ADCY8: variants seen among roughly 807,000 people sequenced by gnomAD.
ADCY8 encodes adenylate cyclase type 8.
Under a neutral mutation model 119.7 loss-of-function variants are expected in ADCY8, and 51 were observed. The ratio of observed to expected loss-of-function variants is 0.43; its 90% CI spans 0.34 to 0.54. The LOEUF is 0.54. ADCY8 is among the 20% of genes least tolerant of loss of function. The pLI is 0.03. For synonymous variants in ADCY8, 665 were observed against 651.0 expected (o/e 1.02, Z -0.33); for missense variants, 1,383 against 1,598.8 (o/e 0.87, Z 2.30).
At chr8:130,832,149 C>T (rs1247937273) in intron 12 of ADCY8, among the ~76,000 whole-genome samples, 1 of 152,132 alleles carries the variant, frequency 6.6e-6, no homozygotes, top group Non-Finnish European at 1.5e-5. Flanking sequence ...TATAGTGCTT[C>T]CCTACAAGAA....
intron 14 of ADCY8, among the ~76,000 whole-genome samples, chr8:130,804,928 G>T (rs996124370): frequency 6.6e-6 from 1 of 152,070 alleles, no homozygotes; most frequent in African/African-American, 2.4e-5. Flanking sequence ...TGTATTTTTA[G>T]TAGAGATGGG....
rs1286537176 is a variant in ADCY8, at chr8:130,826,506, A to T, written c.2676-5086T>A. 4.6e-5 allele frequency among the ~76,000 whole-genome samples: 7 copies of T among 152,280 alleles called. No homozygotes were observed. In the South Asian group the frequency reaches 1.5e-3, roughly 32 times the overall value. On this transcript the variant is annotated intron_variant, in intron 12 of 17. Transcript: ENST00000286355. Reference sequence around the variant, plus strand: ...TAATTCCCTCCAAATGCTTTTAGATAAGTGTTTTTCCTAGATACTATCTAT... The same window carrying T: ...TAATTCCCTCCAAATGCTTTTAGATTAGTGTTTTTCCTAGATACTATCTAT...
At chr8:130,900,477 C>A (rs905431538) in intron 7 of ADCY8, among the ~76,000 whole-genome samples, 1 of 152,182 alleles carries the variant, frequency 6.6e-6, no homozygotes, top group African/African-American at 2.4e-5. Context: ...TACCATCTCA[C>A]CAGATCTGCC....
chr8:131,036,095 T>C (rs1272168284), intron 1 of ADCY8, among the ~76,000 whole-genome samples: 2 of 152,186 alleles, frequency 1.3e-5, no homozygotes, highest in African/African-American at 4.8e-5. Flanking sequence ...TTCTGAAGAA[T>C]AATTGGCATC....
At chr8:130,871,419 A>G (rs143019110) in intron 8 of ADCY8, among the ~76,000 whole-genome samples, 1 of 152,182 alleles carries the variant, frequency 6.6e-6, no homozygotes, top group Non-Finnish European at 1.5e-5. Context: ...TAAGCTTTCT[A>G]TGTCTCAGTT....
intron 2 of ADCY8, among the ~76,000 whole-genome samples, chr8:130,980,176 TTC>T (rs1479311297): frequency 1.3e-5 from 2 of 152,322 alleles, no homozygotes; most frequent in East Asian, 3.9e-4. Context: ...GCCTCTGGGA[TTC>T]TCTGTGTTCT....
At chr8:130,936,852 C>T (rs1486944136) in intron 5 of ADCY8, among the ~76,000 whole-genome samples, 2 of 152,238 alleles carry the variant, frequency 1.3e-5, no homozygotes, top group East Asian at 1.9e-4. Context: ...GTAATACAAA[C>T]TTGTAGCACA....
intron 5 of ADCY8, among the ~76,000 whole-genome samples, chr8:130,929,450 T>G (rs1462233084): frequency 6.6e-6 from 1 of 152,202 alleles, no homozygotes; most frequent in Non-Finnish European, 1.5e-5. Context: ...TTTGTGAAGT[T>G]CCTCCTGTTA....
rs549091562 is a variant in ADCY8 at position 131,026,042 on chromosome 8, G to A, written c.960+13332C>T. Among the ~76,000 whole-genome samples, 84 of 152,254 alleles carry A rather than the reference G, an allele frequency of 5.5e-4. 1 individual carries two copies. The South Asian group carries it at 0.015, about 28-fold the overall frequency. ...ACACTGTGGTACTCCATAAATATTC[G>A]CCATATGAGGCTAAATGAAAGCATG... On this transcript the variant is annotated intron_variant, in intron 1 of 17. Coordinates refer to ENST00000286355, the MANE Select transcript of ADCY8 (RefSeq NM_001115.3).
At chr8:131,019,021 C>A (rs1190256321) in intron 1 of ADCY8, among the ~76,000 whole-genome samples, 1 of 152,140 alleles carries the variant, frequency 6.6e-6, no homozygotes, top group Non-Finnish European at 1.5e-5. Context: ...ATGACACTTT[C>A]ATTTTAGCTC....
At chr8:131,020,902 C>G in intron 1 of ADCY8, among the ~76,000 whole-genome samples, 1 of 152,110 alleles carries the variant, frequency 6.6e-6, no homozygotes, top group East Asian at 1.9e-4. Flanking sequence ...TTATTATGTG[C>G]TATAAATTAT....
chr8:131,012,670 T>A (rs1823347127), intron 1 of ADCY8, among the ~76,000 whole-genome samples: 1 of 152,196 alleles, frequency 6.6e-6, no homozygotes, highest in South Asian at 2.1e-4. Flanking sequence ...AAAGAGGGTC[T>A]TCTCATCCAA....
At chr8:131,033,360 AT>A (rs991811883) in intron 1 of ADCY8, among the ~76,000 whole-genome samples, 3 of 152,140 alleles carry the variant, frequency 2.0e-5, no homozygotes, top group Admixed American at 6.6e-5. Flanking sequence ...AAAATATTTC[AT>A]TTTTTTGCTT....
chr8:130,909,791 A>C lies in ADCY8; in HGVS notation c.1557T>G (p.Val519=). ...GIHSGSVLCG[V]LGLRKWQFDV... is the part of the protein sequence containing the mutation. Reference sequence around the variant, plus strand: ...CAAACTGCCACTTCCTTAGTCCCAAAACACCGCACAGCACCGAGCCGGAGT... The same window carrying C: ...CAAACTGCCACTTCCTTAGTCCCAACACACCGCACAGCACCGAGCCGGAGT... Residue 519 remains valine, a synonymous_variant, in exon 6 of 18, where the codon GTT becomes GTG. Transcript: ENST00000286355. 1 of 1,614,112 alleles carries C rather than the reference A, an allele frequency of 6.2e-7. No homozygotes were observed.
intron 1 of ADCY8, among the ~76,000 whole-genome samples, chr8:131,002,135 G>T (rs1822969569): frequency 6.6e-6 from 1 of 152,120 alleles, no homozygotes. Flanking sequence ...AACTTTTTTG[G>T]CCCCCAAATT....
At chr8:131,003,691 C>G (rs903377900) in intron 1 of ADCY8, among the ~76,000 whole-genome samples, 3 of 150,682 alleles carry the variant, frequency 2.0e-5, no homozygotes, top group African/African-American at 7.5e-5. Context: ...AATAATAGAG[C>G]TAGTAAGTGG....
At position 131,009,662 on chromosome 8, in the gene ADCY8, G is replaced by A. The variant is rs138425154; in HGVS notation, c.961-19120C>T. ...GAGAATGGACTAACACAAAGACTGCGCTTTTAAGCACTAACTATACTATGC... is the reference window on the plus strand; with the variant it reads ...GAGAATGGACTAACACAAAGACTGCACTTTTAAGCACTAACTATACTATGC... On this transcript the variant is annotated intron_variant, in intron 1 of 17. Coordinates refer to ENST00000286355, the MANE Select transcript of ADCY8 (RefSeq NM_001115.3). 2.6e-3 allele frequency among the ~76,000 whole-genome samples: 403 copies of A among 152,280 alleles called. 2 individuals carry two copies. The highest frequency in any genetic ancestry group is 7.9e-3 in the African/African-American group (329 of 41,544).
chr8:130,839,925 A>G lies in ADCY8; in HGVS notation c.2503-3476T>C, dbSNP rs1010213831. Among the ~76,000 whole-genome samples, 2 of 140,362 alleles carry G rather than the reference A, an allele frequency of 1.4e-5. 1 individual carries two copies. Among genetic ancestry groups the G allele is most frequent in the South Asian group, 5.7e-4 (2 of 3,518 alleles). The allele number at this position is 140,362 out of a possible 152,430, so 92.1% of individuals were successfully genotyped here. A position where few individuals can be genotyped will look rare whatever the true frequency, so the allele number is the denominator to read the frequency against. ...CCTAAGAAATAAATTGCGGTAGGGTAGAATATACGATGTATCAGGATTAAT... is the reference window on the plus strand; with the variant it reads ...CCTAAGAAATAAATTGCGGTAGGGTGGAATATACGATGTATCAGGATTAAT... On this transcript the variant is annotated intron_variant, in intron 11 of 17. Coordinates refer to ENST00000286355, the MANE Select transcript of ADCY8 (RefSeq NM_001115.3).
intron 9 of ADCY8, among the ~76,000 whole-genome samples, chr8:130,862,939 A>T (rs982072627): frequency 7.2e-5 from 11 of 152,122 alleles, no homozygotes; most frequent in African/African-American, 2.7e-4. Flanking sequence ...TGTTCATGTG[A>T]GCTTGAGAAG....
Sources: gnomAD v4.1 joint callset for allele counts (sites outside exome capture counted in the v4.1 genomes callset) on GRCh38, gnomAD v4.1.1 for gene constraint, MANE v1.5 for transcripts, NCBI Gene and HGNC (gene_info 2026-07-23, HGNC 2026-07-21) for gene names.